SCHIP1: variants seen among roughly 807,000 people sequenced by gnomAD.
The protein encoded by SCHIP1 is schwannomin-interacting protein 1.
Under a neutral mutation model 29.7 loss-of-function variants are expected in SCHIP1, and 8 were observed. The ratio of observed to expected loss-of-function variants is 0.27; its 90% CI spans 0.16 to 0.49. The LOEUF (loss-of-function observed/expected upper bound fraction) is 0.49, where lower values mean the gene tolerates loss of function less well. SCHIP1 is among the 20% of genes least tolerant of loss of function. The probability of loss-of-function intolerance (pLI) is 0.99; values close to 1 mark genes in which losing one functional copy is unlikely to be tolerated. For missense variants in SCHIP1, 193 were observed against 294.6 expected, an observed-to-expected ratio of 0.66 and a Z score of 2.52; for synonymous variants, 76 against 94.9, an observed-to-expected ratio of 0.80 and a Z score of 1.16.
At chr3:159,713,445 G>A in the SCHIP1 span, among the ~76,000 whole-genome samples, 1 of 152,170 alleles carries the variant, frequency 6.6e-6, no homozygotes, top group East Asian at 1.9e-4. Flanking sequence ...AGTGTCTATA[G>A]TGTGCTATAT....
At chr3:159,887,885 A>C in exon 4 of SCHIP1, 1 of 1,614,008 alleles carries the variant, frequency 6.2e-7, no homozygotes, top group Non-Finnish European at 8.5e-7. Flanking sequence ...GAACAGGAAA[A>C]AGTCTCCCGT....
the SCHIP1 span, among the ~76,000 whole-genome samples, chr3:159,724,429 C>A: frequency 6.6e-6 from 1 of 152,110 alleles, no homozygotes; most frequent in African/African-American, 2.4e-5. Context: ...CTTCCCTAGA[C>A]CAGCGTCTTT....
At chr3:159,738,293 T>C in the SCHIP1 span, among the ~76,000 whole-genome samples, 1 of 151,938 alleles carries the variant, frequency 6.6e-6, no homozygotes, top group African/African-American at 2.4e-5. Flanking sequence ...ATATAGATAG[T>C]AGTAACCAAC....
At chr3:159,279,638 C>T in the SCHIP1 span, among the ~76,000 whole-genome samples, 1 of 152,032 alleles carries the variant, frequency 6.6e-6, no homozygotes, top group Non-Finnish European at 1.5e-5. Context: ...GCTAGATCTG[C>T]TTGATGTTAA....
chr3:159,868,213 A>G (rs760082107), intron 2 of SCHIP1, among the ~76,000 whole-genome samples: 5 of 151,254 alleles, frequency 3.3e-5, no homozygotes, highest in Non-Finnish European at 7.4e-5. Context: ...GTGTGTGTGT[A>G]TATGTATACT....
At chr3:159,838,799 C>G (rs900274699), upstream of SCHIP1, among the ~76,000 whole-genome samples, 6 of 150,290 alleles carry the variant, frequency 4.0e-5, no homozygotes, top group East Asian at 1.2e-3. Flanking sequence ...GAGGCTGAGG[C>G]AGGAGAATGA....
the SCHIP1 span, among the ~76,000 whole-genome samples, chr3:159,477,390 C>T: frequency 6.6e-6 from 1 of 152,206 alleles, no homozygotes; most frequent in Admixed American, 6.5e-5. Flanking sequence ...TACTAATTTA[C>T]ATTCCCACTG....
At chr3:159,546,770 C>T in the SCHIP1 span, among the ~76,000 whole-genome samples, 7 of 152,256 alleles carry the variant, frequency 4.6e-5, no homozygotes, top group Admixed American at 4.6e-4. Flanking sequence ...TTTTTGGCTG[C>T]ATAGTATTCC....
intron 3 of SCHIP1, chr3:159,887,398 A>C (rs980480977): frequency 3.3e-6 from 1 of 299,728 alleles, no homozygotes; most frequent in African/African-American, 2.1e-5. Flanking sequence ...CTTGGCTTCG[A>C]GTCAATATTT....
At chr3:159,767,461 C>T in the SCHIP1 span, among the ~76,000 whole-genome samples, 3 of 152,232 alleles carry the variant, frequency 2.0e-5, no homozygotes, top group Non-Finnish European at 4.4e-5. Flanking sequence ...AGGACAGAAA[C>T]CGGAGAAGAA....
the SCHIP1 span, among the ~76,000 whole-genome samples, chr3:159,537,142 C>G: frequency 6.6e-6 from 1 of 152,118 alleles, no homozygotes. Flanking sequence ...GCTATAAACC[C>G]TCATCACAGA....
chr3:159,293,756 T>C, the SCHIP1 span, among the ~76,000 whole-genome samples: 1 of 152,188 alleles, frequency 6.6e-6, no homozygotes, highest in Non-Finnish European at 1.5e-5. Context: ...ATTCTCAAGA[T>C]GTCTTTCAGA....
chr3:159,475,340 A>G, the SCHIP1 span, among the ~76,000 whole-genome samples: 1 of 152,194 alleles, frequency 6.6e-6, no homozygotes, highest in Non-Finnish European at 1.5e-5. Flanking sequence ...CACATATTGT[A>G]TAATTCAGTT....
intron 1 of SCHIP1, among the ~76,000 whole-genome samples, chr3:159,854,715 T>C (rs1423265194): frequency 6.6e-6 from 1 of 152,238 alleles, no homozygotes; most frequent in African/African-American, 2.4e-5. Context: ...CTCATACTTC[T>C]GCTATTTTCA....
At chr3:159,443,276 C>A in the SCHIP1 span, among the ~76,000 whole-genome samples, 1 of 152,198 alleles carries the variant, frequency 6.6e-6, no homozygotes, top group African/African-American at 2.4e-5. Context: ...CTATCTTCAG[C>A]TGAGATTCTG....
chr3:159,517,440 A>G, the SCHIP1 span, among the ~76,000 whole-genome samples: 3 of 152,108 alleles, frequency 2.0e-5, no homozygotes, highest in African/African-American at 7.2e-5. Flanking sequence ...ATAAGGTGAT[A>G]TTTGGATCAT....
At chr3:159,887,084 A>G (rs1022419640) in intron 3 of SCHIP1, 5 of 153,180 alleles carry the variant, frequency 3.3e-5, no homozygotes, top group Non-Finnish European at 5.8e-5. Flanking sequence ...ACACAGCCAA[A>G]CCATATCAGA....
At chr3:159,800,104 C>A in the SCHIP1 span, among the ~76,000 whole-genome samples, 1 of 152,140 alleles carries the variant, frequency 6.6e-6, no homozygotes, top group Non-Finnish European at 1.5e-5. Flanking sequence ...GCACTAACTT[C>A]AAAGGGTATG....
the SCHIP1 span, among the ~76,000 whole-genome samples, chr3:159,755,555 C>T: frequency 6.6e-6 from 1 of 152,188 alleles, no homozygotes; most frequent in South Asian, 2.1e-4. Context: ...CAAACAATAT[C>T]ATTCTGCCCC....
Sources: allele counts gnomAD v4.1 joint callset (sites outside exome capture counted in the v4.1 genomes callset), GRCh38; gene constraint gnomAD v4.1.1; transcripts MANE v1.5; gene names NCBI Gene and HGNC (gene_info 2026-07-23, HGNC 2026-07-21).